Variants in SYCP2 observed in about 807,000 individuals in gnomAD.
SYCP2 encodes synaptonemal complex protein 2.
In SYCP2, 55 loss-of-function variants were observed where a neutral mutation model predicts 211.3. The ratio of observed to expected loss-of-function variants is 0.26; its 90% confidence interval spans 0.21 to 0.33. The LOEUF (loss-of-function observed/expected upper bound fraction) is 0.33. SYCP2 is among the 10% of genes least tolerant of loss of function. The probability of loss-of-function intolerance (pLI) is 1.00; values close to 1 mark genes in which losing one functional copy is unlikely to be tolerated. For synonymous variants in SYCP2, 570 were observed against 555.2 expected (o/e 1.03, Z -0.37); for missense variants, 1,731 against 1,752.0 (o/e 0.99, Z 0.21).
intron 31 of SYCP2, among the ~76,000 whole-genome samples, chr20:59,878,573 A>T (rs1035150648): frequency 3.9e-5 from 6 of 152,096 alleles, no homozygotes; most frequent in Non-Finnish European, 7.4e-5. Flanking sequence ...CTACTTACGT[A>T]TGCTCTCTTA....
In SYCP2 at chr20:59,900,784, T is replaced by C. The variant is rs530144830; in HGVS notation, c.1217A>G (p.Lys406Arg). The C allele has an allele frequency of 1.4e-4, 220 of 1,612,868 alleles. 3 individuals carry two copies. The South Asian group carries it at 1.8e-3, about 13-fold the overall frequency. The change falls in exon 17 of 45, where the codon AAA (lysine) becomes AGA (arginine). Residue 406 changes from lysine (K) to arginine (R), a missense_variant. Around this residue, in one of 3 missense-constraint regions of SYCP2, gnomAD observed 1,387 missense variants for 1,351.3 expected, o/e 1.03. Coordinates refer to ENST00000357552, the MANE Select transcript of SYCP2 (RefSeq NM_014258.4). The stretch of plus-strand genomic sequence containing the variant: ...GTCAAAAAGTATATGCAGCGACGTT[T>C]TGGCAACTGAAATACCTTGTTTTCT... The part of the protein sequence containing the change: ...SIRKQGISVA[K>R]TSLHILFDAS...
intron 19 of SYCP2, among the ~76,000 whole-genome samples, 156 bp downstream of exon 19, chr20:59,896,273 C>G (rs1223910164): frequency 6.6e-6 from 1 of 152,212 alleles, no homozygotes; most frequent in Admixed American, 6.5e-5. Flanking sequence ...TAGCATTATA[C>G]TTTTCTTCCC....
At chr20:59,893,718 T>A (rs1443914042) in intron 20 of SYCP2, 125 bp from the exon 21 acceptor site, 4 of 590,256 alleles carry the variant, frequency 6.8e-6, no homozygotes, top group Non-Finnish European at 8.6e-6. Context: ...GATACTATTT[T>A]TATATATTTC....
intron 14 of SYCP2, among the ~76,000 whole-genome samples, chr20:59,908,204 G>A (rs1269097200): frequency 1.3e-5 from 2 of 152,064 alleles, no homozygotes; most frequent in African/African-American, 4.8e-5. Flanking sequence ...AGCCAAGATC[G>A]CACCACTGCT....
intron 25 of SYCP2, 119 bp from the exon 26 acceptor site, chr20:59,886,083 A>C: frequency 1.4e-6 from 1 of 724,482 alleles, no homozygotes; most frequent in Non-Finnish European, 2.3e-6. Flanking sequence ...AATAACCAAA[A>C]TGTAACAGTA....
At chr20:59,885,711 T>G (rs6070998) in intron 26 of SYCP2, among the ~76,000 whole-genome samples, 2,929 of 152,264 alleles carry the variant, frequency 0.019, 42 homozygotes, top group Middle Eastern at 0.041. Context: ...AAAAATATTA[T>G]GCTCATATGT....
At chr20:59,902,695 A>C (rs2145789019) in intron 15 of SYCP2, among the ~76,000 whole-genome samples, 1 of 152,240 alleles carries the variant, frequency 6.6e-6, no homozygotes, top group South Asian at 2.1e-4. Flanking sequence ...CCAAGCAGAA[A>C]ATGTTTTATT....
chr20:59,886,865 C>G lies in SYCP2; in HGVS notation c.2365-31G>C, dbSNP rs186666530. 129 of 1,514,266 alleles carry G rather than the reference C, an allele frequency of 8.5e-5. No individual in the cohort carries two copies. In the African/African-American group the frequency reaches 1.7e-3, roughly 20 times the overall value. 93.8% of individuals were successfully genotyped at this position (1,514,266 alleles called of 1,614,324 possible). A position where few individuals can be genotyped will look rare whatever the true frequency, so the allele number is the denominator to read the frequency against. Reference sequence around the variant, plus strand: ...AAAAATTGTAAGTTACTTTTAAACTCTACCAGTTAATCTTTAAAGGAAAAA... The same window carrying G: ...AAAAATTGTAAGTTACTTTTAAACTGTACCAGTTAATCTTTAAAGGAAAAA... On this transcript the variant is annotated intron_variant, in intron 24 of 44. Transcript: ENST00000357552.
chr20:59,877,868 A>G, intron 32 of SYCP2, 140 bp downstream of exon 32: 1 of 674,786 alleles, frequency 1.5e-6, no homozygotes, highest in Non-Finnish European at 2.5e-6. Flanking sequence ...AAGAAACAGG[A>G]GAAAGTGTGC....
At chr20:59,896,363 G>C (rs2060007060) in intron 19 of SYCP2, 66 bp downstream of exon 19, 1 of 836,310 alleles carries the variant, frequency 1.2e-6, no homozygotes, top group Admixed American at 2.3e-5. Flanking sequence ...GTTCAGAATT[G>C]CCTTAAATTA....
At chr20:59,880,817 G>T in intron 30 of SYCP2, 149 bp downstream of exon 30, 1 of 481,374 alleles carries the variant, frequency 2.1e-6, no homozygotes. Context: ...ATAGCTGAAA[G>T]ACCATAAGAA....
intron 7 of SYCP2, among the ~76,000 whole-genome samples, chr20:59,917,375 C>T (rs1270405139): frequency 6.6e-6 from 1 of 152,052 alleles, no homozygotes; most frequent in Admixed American, 6.5e-5. Context: ...CATGCTGTTT[C>T]ATAATGCAAA....
At position 59,911,729 on chromosome 20, in the gene SYCP2, TACCA is replaced by T. The variant is rs773684464; in HGVS notation, c.972+17_972+20del. On this transcript the variant is annotated intron_variant, in intron 14 of 44. Coordinates refer to ENST00000357552, the MANE Select transcript of SYCP2 (RefSeq NM_014258.4). ...ATATATGCATATACATAAAGAATAA[TACCA>T]ACCAAATTAAACTTACATCATTATC... 2 of 1,308,016 alleles carry T rather than the reference TACCA, an allele frequency of 1.5e-6. No individual in the cohort carries two copies. Among genetic ancestry groups the T allele is most frequent in the East Asian group, 2.4e-5 (1 of 42,240 alleles). The allele number at this position is 1,308,016 out of a possible 1,614,324, so 81.0% of individuals were successfully genotyped here.
intron 25 of SYCP2, among the ~76,000 whole-genome samples, 185 bp from the exon 26 acceptor site, chr20:59,886,149 T>C (rs1233414854): frequency 2.0e-5 from 3 of 152,070 alleles, no homozygotes; most frequent in African/African-American, 2.4e-5. Context: ...TAATAGAGCA[T>C]TCGAAGCTGA....
In SYCP2 at chr20:59,916,577, TA is replaced by T; in HGVS notation, c.428-7del. 1.3e-6 allele frequency: 2 copies of T among 1,545,850 alleles called. No individual in the cohort carries two copies. Among genetic ancestry groups the T allele is most frequent in the South Asian group, 1.1e-5 (1 of 89,592 alleles). ...TTCCACTACTTGTTTTTTACCTGAA[TA>T]AAAGTGTTAAATTATTGATAAATGT... On this transcript the variant is annotated splice_polypyrimidine_tract_variant and splice_region_variant and intron_variant, in intron 7 of 44. Transcript: ENST00000357552.
At chr20:59,929,542 C>T (rs981203581) in intron 2 of SYCP2, among the ~76,000 whole-genome samples, 1 of 152,048 alleles carries the variant, frequency 6.6e-6, no homozygotes, top group East Asian at 1.9e-4. Context: ...GTGAGTGATG[C>T]AACTGAATTC....
intron 24 of SYCP2, among the ~76,000 whole-genome samples, chr20:59,891,466 G>C (rs1304500189): frequency 1.3e-5 from 2 of 151,928 alleles, no homozygotes; most frequent in Admixed American, 6.6e-5. Flanking sequence ...ATGAGTAACA[G>C]TTACAATAGA....
intron 12 of SYCP2, among the ~76,000 whole-genome samples, chr20:59,913,243 A>G (rs1600955143): frequency 2.0e-5 from 3 of 152,220 alleles, no homozygotes; most frequent in Non-Finnish European, 2.9e-5. Flanking sequence ...AGTTATTAAT[A>G]TAACAGCTAA....
rs1482622497 is a variant in SYCP2 at position 59,932,157 on chromosome 20, G to C, written c.-139-3C>G. On this transcript the variant is annotated splice_region_variant and splice_polypyrimidine_tract_variant and intron_variant, in intron 1 of 44. Coordinates refer to ENST00000357552, the MANE Select transcript of SYCP2 (RefSeq NM_014258.4). ...CTAGTAAGATGATGATTGTGTATCT[G>C]CAGGCAGATAAAAGCGTTACGGATA... The C allele has an allele frequency of 6.6e-6, 1 of 152,188 alleles. No individual in the cohort carries two copies. The highest frequency in any genetic ancestry group is 2.4e-5 in the African/African-American group (1 of 41,438). The allele number at this position is 152,188 out of a possible 1,614,324, so 9.4% of individuals were successfully genotyped here.
Sources: allele counts gnomAD v4.1 joint callset (sites outside exome capture counted in the v4.1 genomes callset), GRCh38; gene constraint gnomAD v4.1.1; regional missense constraint gnomAD v4.1.1; transcripts MANE v1.5; gene names NCBI Gene and HGNC (gene_info 2026-07-23, HGNC 2026-07-21).